MINDY4: variants seen among roughly 807,000 people sequenced by gnomAD.
MINDY4 encodes MINDY lysine 48 deubiquitinase 4.
MINDY4 carries 68 observed loss-of-function variants against 87.0 expected under a neutral mutation model. That is an observed-to-expected ratio of 0.78 (90% CI 0.64 to 0.96). MINDY4 has a LOEUF of 0.96. MINDY4 is among the 40% of genes least tolerant of loss of function. The pLI, the probability that MINDY4 is intolerant of heterozygous loss-of-function variation, is 0.00. For synonymous variants in MINDY4, 379 were observed against 363.2 expected (o/e 1.04, Z -0.50); for missense variants, 919 against 928.2 (o/e 0.99, Z 0.13).
In MINDY4 at chr7:30,861,714, G is replaced by A. The variant is rs556646917; in HGVS notation, c.1745+2390G>A. Among the ~76,000 whole-genome samples, 212 of 152,342 alleles carry A rather than the reference G, an allele frequency of 1.4e-3. 1 individual carries two copies. Among genetic ancestry groups the A allele is most frequent in the African/African-American group, 4.5e-3 (187 of 41,586 alleles). ...GGTACAAGCCGGGAATAATGGCCACGGCTGGTCCAACCGTATCCCAGGAGC... is the reference window on the plus strand; with the variant it reads ...GGTACAAGCCGGGAATAATGGCCACAGCTGGTCCAACCGTATCCCAGGAGC... On this transcript the variant is annotated intron_variant, in intron 13 of 17. Coordinates refer to ENST00000265299, the MANE Select transcript of MINDY4 (RefSeq NM_032222.3).
intron 5 of MINDY4, among the ~76,000 whole-genome samples, chr7:30,810,309 A>G (rs866961687): frequency 4.0e-5 from 6 of 151,868 alleles, no homozygotes; most frequent in African/African-American, 1.4e-4. Flanking sequence ...TGTATAATTT[A>G]AAAGTAGCTA....
At chr7:30,872,381 TCCTCTTGCCC>T in intron 14 of MINDY4, 75 bp downstream of exon 14, 1 of 1,376,812 alleles carries the variant, frequency 7.3e-7, no homozygotes, top group Non-Finnish European at 1.0e-6. Context: ...TCCTCCTCCC[TCCTCTTGCCC>T]CAGAAAAAGA....
chr7:30,890,289 G>C (rs914282062), intron 17 of MINDY4, among the ~76,000 whole-genome samples: 5 of 152,252 alleles, frequency 3.3e-5, no homozygotes, highest in African/African-American at 9.6e-5. Context: ...GGAGCACAAC[G>C]TAGGGCAGGA....
At chr7:30,792,902 A>G (rs972105540) in intron 5 of MINDY4, among the ~76,000 whole-genome samples, 2 of 151,820 alleles carry the variant, frequency 1.3e-5, no homozygotes, top group Non-Finnish European at 2.9e-5. Flanking sequence ...ATTATTTTCT[A>G]GTTTACTGAT....
At chr7:30,774,401 T>C (rs1386119954) in intron 1 of MINDY4, among the ~76,000 whole-genome samples, 1 of 152,164 alleles carries the variant, frequency 6.6e-6, no homozygotes, top group Non-Finnish European at 1.5e-5. Flanking sequence ...TGTCGCTGTC[T>C]CCTGCACCAT....
chr7:30,890,063 G>T (rs1050132925), intron 17 of MINDY4, among the ~76,000 whole-genome samples: 1 of 152,222 alleles, frequency 6.6e-6, no homozygotes, highest in African/African-American at 2.4e-5. Flanking sequence ...CTGATTTTGG[G>T]TGAGATCTTT....
chr7:30,783,622 A>G (rs1413400216), intron 3 of MINDY4, among the ~76,000 whole-genome samples: 2 of 152,126 alleles, frequency 1.3e-5, no homozygotes, highest in Non-Finnish European at 2.9e-5. Flanking sequence ...GGATGTGAAA[A>G]TCTTTGGGGG....
At chr7:30,866,372 C>T (rs1021316301) in intron 13 of MINDY4, among the ~76,000 whole-genome samples, 3 of 152,196 alleles carry the variant, frequency 2.0e-5, no homozygotes, top group African/African-American at 7.2e-5. Flanking sequence ...GTGGGGTGCT[C>T]ACTTCCACCT....
chr7:30,860,675 C>T (rs1241562523), intron 13 of MINDY4, among the ~76,000 whole-genome samples: 2 of 152,104 alleles, frequency 1.3e-5, no homozygotes, highest in Non-Finnish European at 2.9e-5. Flanking sequence ...TCGAGTGTGT[C>T]AGTTCTGGTG....
At chr7:30,847,567 CTG>C (rs1160162039) in intron 9 of MINDY4, among the ~76,000 whole-genome samples, 3 of 130,862 alleles carry the variant, frequency 2.3e-5, no homozygotes, top group Admixed American at 7.0e-5. Context: ...GAGTAAATCA[CTG>C]TGTCTCCATG....
chr7:30,854,551 G>A (rs1029456488), intron 12 of MINDY4, among the ~76,000 whole-genome samples: 2 of 152,058 alleles, frequency 1.3e-5, no homozygotes, highest in African/African-American at 4.8e-5. Context: ...TGGTGTGCTG[G>A]CTGGTCCCTG....
chr7:30,891,911 C>A (rs1356129819), intron 17 of MINDY4, 46 bp from the exon 18 acceptor site: 2 of 1,603,730 alleles, frequency 1.2e-6, no homozygotes, highest in African/African-American at 2.7e-5. Context: ...CATCTGGGAC[C>A]CTGAAGCTTG....
chr7:30,829,110 C>CT (rs1562544956), intron 6 of MINDY4, among the ~76,000 whole-genome samples: 2 of 152,136 alleles, frequency 1.3e-5, no homozygotes, highest in Non-Finnish European at 2.9e-5. Flanking sequence ...AAGGCCCGTC[C>CT]TTTTTAAAAG....
Position 30,836,741 on chromosome 7 carries a change from C to T in MINDY4, c.1216C>T (p.Pro406Ser). The change falls in exon 7 of 18, where the codon CCA becomes TCA. Residue 406 changes from proline (P) to serine (S), a missense_variant. Transcript: ENST00000265299. ...SVLKLQTASKPIDLSVAKEIK... is the reference protein window; with the variant it reads ...SVLKLQTASKSIDLSVAKEIK... ...GCTCAAGTTGCAGACAGCATCAAAA[C>T]CAATTGACCTCTCAGTAGCAAAGGT... is the stretch of plus-strand genomic sequence containing the variant. The T allele has an allele frequency of 6.2e-7, 1 of 1,614,060 alleles. No homozygotes were observed. Among genetic ancestry groups the T allele is most frequent in the South Asian group, 1.1e-5 (1 of 91,072 alleles).
At chr7:30,863,622 C>T (rs939553361) in intron 13 of MINDY4, among the ~76,000 whole-genome samples, 1 of 152,156 alleles carries the variant, frequency 6.6e-6, no homozygotes, top group Admixed American at 6.5e-5. Flanking sequence ...ATTCCTAACC[C>T]AGACCAGAGC....
At chr7:30,840,389 G>A (rs932262647) in intron 8 of MINDY4, among the ~76,000 whole-genome samples, 2 of 152,224 alleles carry the variant, frequency 1.3e-5, no homozygotes, top group African/African-American at 2.4e-5. Flanking sequence ...AGAACTTTAG[G>A]ATGGGCCTTG....
intron 12 of MINDY4, chr7:30,858,003 A>C (rs976296464): frequency 1.2e-4 from 18 of 152,286 alleles, no homozygotes; most frequent in African/African-American, 4.3e-4. Context: ...AAGTTTTATA[A>C]TTTTCATTGT....
chr7:30,839,165 A>C (rs1361678596), intron 7 of MINDY4, 35 bp from the exon 8 acceptor site: 5 of 1,447,770 alleles, frequency 3.5e-6, no homozygotes, highest in Non-Finnish European at 4.8e-6. Context: ...GCTTGCTTTT[A>C]AAACAACCAG....
intron 15 of MINDY4, among the ~76,000 whole-genome samples, chr7:30,877,685 T>TC (rs947288622): frequency 0.051 from 7,171 of 141,212 alleles, 227 homozygotes; most frequent in African/African-American, 0.09. Context: ...TTCTTCTTCT[T>TC]TTTTTTTTTT....
Sources: allele counts gnomAD v4.1 joint callset (sites outside exome capture counted in the v4.1 genomes callset), GRCh38; gene constraint gnomAD v4.1.1; transcripts MANE v1.5; gene names NCBI Gene and HGNC (gene_info 2026-07-23, HGNC 2026-07-21).